Variants in BAZ1B observed in about 807,000 individuals in gnomAD.
BAZ1B encodes bromodomain adjacent to zinc finger domain 1B.
In BAZ1B, 22 loss-of-function variants were observed where a neutral mutation model predicts 153.8. The ratio of observed to expected loss-of-function variants is 0.14; its 90% CI spans 0.10 to 0.20. BAZ1B has a LOEUF of 0.20. Among genes scored for constraint, BAZ1B ranks in the 10% least tolerant of loss-of-function variants. The probability of loss-of-function intolerance (pLI) is 1.00; values close to 1 mark genes in which losing one functional copy is unlikely to be tolerated. For synonymous variants in BAZ1B, 676 were observed against 633.4 expected, an observed-to-expected ratio of 1.07 and a Z score of -1.01; for missense variants, 1,325 against 1,799.3, an observed-to-expected ratio of 0.74 and a Z score of 4.77.
chr7:73,508,073 T>G (rs1370201373), intron 3 of BAZ1B, among the ~76,000 whole-genome samples: 1 of 152,040 alleles, frequency 6.6e-6, no homozygotes, highest in African/African-American at 2.4e-5. Context: ...GGAGAATCAC[T>G]TGAACACGGG....
intron 7 of BAZ1B, among the ~76,000 whole-genome samples, chr7:73,472,901 C>T (rs1583909512): frequency 6.6e-6 from 1 of 151,144 alleles, no homozygotes; most frequent in East Asian, 1.9e-4. Context: ...GAATTATAGG[C>T]CGAGTAGCTG....
chr7:73,481,976 T>C (rs1310002991), intron 6 of BAZ1B, among the ~76,000 whole-genome samples: 1 of 151,966 alleles, frequency 6.6e-6, no homozygotes, highest in African/African-American at 2.4e-5. Context: ...GAGGCGGAGC[T>C]CGCAGTGAGC....
chr7:73,477,020 C>T lies in BAZ1B; in HGVS notation c.2441G>A (p.Gly814Glu). 6.2e-7 allele frequency: 1 copy of T among 1,614,174 alleles called. No individual in the cohort carries two copies. The highest frequency in any genetic ancestry group is 8.5e-7 in the Non-Finnish European group (1 of 1,180,040). ...KNKENGKVEN[G>E]LGKTDRKKEI... The stretch of plus-strand genomic sequence containing the variant: ...TTTTTTCCTATCAGTTTTGCCTAAC[C>T]CATTCTCAACTTTTCCATTTTCTTT... Residue 814 changes from glycine to glutamate, a missense_variant, in exon 7 of 20, where the codon GGG becomes GAG. Transcript: ENST00000339594. The surrounding 1 kb of genome is among the most constrained non-coding windows in gnomAD (Gnocchi z 5.6).
intron 3 of BAZ1B, among the ~76,000 whole-genome samples, chr7:73,500,020 C>T (rs1280123502): frequency 6.6e-6 from 1 of 152,062 alleles, no homozygotes; most frequent in Non-Finnish European, 1.5e-5. Context: ...TGTTATGTTG[C>T]CGAGTCTGGC....
Position 73,477,327 on chromosome 7 carries a change from C to T in BAZ1B, c.2134G>A (p.Asp712Asn), listed in dbSNP as rs201444489. The change falls in exon 7 of 20, where the codon GAC becomes AAC. Residue 712 changes from aspartate to asparagine, a missense_variant. By Grantham distance (23) the Asp-to-Asn change is conservative. Transcript: ENST00000339594. The surrounding 1 kb of genome is among the most constrained non-coding windows in gnomAD (Gnocchi z 5.6). ...QEESEGSDTD[D>N]NKDSAAFEDN... is the part of the protein sequence containing the mutation. ...TCAAATGCAGCTGAATCTTTATTGT[C>T]ATCTGTGTCTGAGCCCTCGCTTTCC... 343 of 1,614,164 alleles carry T rather than the reference C, an allele frequency of 2.1e-4. No homozygotes were observed. Among genetic ancestry groups the T allele is most frequent in the Non-Finnish European group, 2.3e-4 (273 of 1,180,064 alleles).
intron 6 of BAZ1B, among the ~76,000 whole-genome samples, chr7:73,485,021 T>G (rs1217940369): frequency 2.6e-5 from 4 of 152,156 alleles, no homozygotes; most frequent in Non-Finnish European, 4.4e-5. Flanking sequence ...AACTATAGAT[T>G]AGATAATAGA....
intron 4 of BAZ1B, among the ~76,000 whole-genome samples, chr7:73,494,561 A>G (rs1433745919): frequency 1.3e-5 from 2 of 152,132 alleles, no homozygotes. Flanking sequence ...CCTTAGCCAC[A>G]TGGTGAGACC....
intron 19 of BAZ1B, 23 bp downstream of exon 19, chr7:73,442,149 CCCTAGCTGT>C: frequency 1.4e-6 from 1 of 731,380 alleles, no homozygotes; most frequent in Middle Eastern, 4.2e-4. Flanking sequence ...CTCCCACCCT[CCCTAGCTGT>C]CCCCCCACCT....
intron 7 of BAZ1B, among the ~76,000 whole-genome samples, chr7:73,473,176 GT>G (rs1172604933): frequency 1.3e-5 from 2 of 152,130 alleles, no homozygotes; most frequent in African/African-American, 4.8e-5. Context: ...TCCTGACCTC[GT>G]GATCTGCCTG....
At chr7:73,508,605 G>C (rs1373390957) in intron 2 of BAZ1B, 134 bp from the exon 3 acceptor site, 1 of 1,030,672 alleles carries the variant, frequency 9.7e-7, no homozygotes, top group Non-Finnish European at 1.4e-6. Context: ...CAAGGCTGGA[G>C]TGCAGTGGCA....
chr7:73,499,521 G>C (rs143040752), intron 3 of BAZ1B, among the ~76,000 whole-genome samples: 9 of 152,156 alleles, frequency 5.9e-5, no homozygotes, highest in African/African-American at 2.2e-4. Context: ...GGGCAATATA[G>C]GGAGACCCCA....
intron 1 of BAZ1B, among the ~76,000 whole-genome samples, chr7:73,513,251 C>A (rs1338253696): frequency 1.3e-5 from 2 of 152,208 alleles, no homozygotes; most frequent in Non-Finnish European, 2.9e-5. Context: ...CCACGCCCAG[C>A]CGCATGTTTA....
chr7:73,491,325 G>A (rs1319568200), intron 5 of BAZ1B, among the ~76,000 whole-genome samples: 9 of 152,072 alleles, frequency 5.9e-5, no homozygotes, highest in African/African-American at 2.2e-4. Context: ...TAGGCCGGGC[G>A]TGGTGGATCA....
chr7:73,512,710 C>T (rs1554578766), intron 1 of BAZ1B, among the ~76,000 whole-genome samples: 1 of 152,188 alleles, frequency 6.6e-6, no homozygotes, highest in Non-Finnish European at 1.5e-5. Flanking sequence ...AATCAACTGA[C>T]ATAAGTAGAA....
At chr7:73,503,859 T>A (rs1308825820) in intron 3 of BAZ1B, among the ~76,000 whole-genome samples, 1 of 152,096 alleles carries the variant, frequency 6.6e-6, no homozygotes, top group Non-Finnish European at 1.5e-5. Flanking sequence ...ATAGGGAGCA[T>A]GAGCAGAAAA....
At chr7:73,462,795 C>T in intron 12 of BAZ1B, 127 bp downstream of exon 12, 1 of 1,084,628 alleles carries the variant, frequency 9.2e-7, no homozygotes. Flanking sequence ...CCATACATGT[C>T]TTCCAAGACA....
chr7:73,462,208 G>C (rs182076576), intron 12 of BAZ1B, among the ~76,000 whole-genome samples: 1 of 152,144 alleles, frequency 6.6e-6, no homozygotes, highest in African/African-American at 2.4e-5. Context: ...CTGTACTTCA[G>C]CCTGGGTAAC....
At chr7:73,509,213 T>G (rs1554578235) in intron 2 of BAZ1B, among the ~76,000 whole-genome samples, 1 of 151,490 alleles carries the variant, frequency 6.6e-6, no homozygotes, top group African/African-American at 2.4e-5. Context: ...TCCCAGCTAC[T>G]CGGGAGGCTG....
At chr7:73,459,417 A>AC in intron 13 of BAZ1B, 119 bp downstream of exon 13, 3 of 1,059,890 alleles carry the variant, frequency 2.8e-6, no homozygotes, top group Middle Eastern at 3.2e-4. Flanking sequence ...ACACACACAC[A>AC]AAAACACTCA....
Sources: allele counts gnomAD v4.1 joint callset (sites outside exome capture counted in the v4.1 genomes callset), GRCh38; gene constraint gnomAD v4.1.1; non-coding constraint Gnocchi (gnomAD v3.1); transcripts MANE v1.5; gene names NCBI Gene and HGNC (gene_info 2026-07-23, HGNC 2026-07-21).